Variants in DVL2 observed in about 807,000 individuals in gnomAD.
The protein encoded by DVL2 is dishevelled segment polarity protein 2, also known as segment polarity protein dishevelled homolog DVL-2.
In DVL2, 38 loss-of-function variants were observed where a neutral mutation model predicts 69.8. The observed-to-expected ratio is 0.54, with a 90% CI of 0.42 to 0.71. The LOEUF (loss-of-function observed/expected upper bound fraction) is 0.71, where lower values mean the gene tolerates loss of function less well. Among genes scored for constraint, DVL2 ranks in the 30% least tolerant of loss-of-function variants. The probability of loss-of-function intolerance (pLI) is 0.00; values close to 1 mark genes in which losing one functional copy is unlikely to be tolerated. For missense variants in DVL2, 931 were observed against 1,008.1 expected, an observed-to-expected ratio of 0.92 and a Z score of 1.04; for synonymous variants, 428 against 392.4, an observed-to-expected ratio of 1.09 and a Z score of -1.07.
rs1597542494 is a variant in DVL2 at position 7,225,575 on chromosome 17, T to C, written c.*290A>G. 4.3e-6 allele frequency: 2 copies of C among 461,338 alleles called. No homozygotes were observed. Among genetic ancestry groups the C allele is most frequent in the Non-Finnish European group, 7.8e-6 (2 of 257,504 alleles). 28.6% of individuals were successfully genotyped at this position (461,338 alleles called of 1,614,324 possible). ...GGGCCCAATGGATGGGAATTCTTCA[T>C]ATAAAAGAGGAAATGCCTATTAAAA... On this transcript the variant is annotated 3_prime_UTR_variant, in exon 15 of 15. Coordinates refer to ENST00000005340, the MANE Select transcript of DVL2 (RefSeq NM_004422.3).
intron 1 of DVL2, among the ~76,000 whole-genome samples, chr17:7,231,820 G>A (rs1349771245): frequency 6.7e-6 from 1 of 148,210 alleles, no homozygotes; most frequent in Non-Finnish European, 1.5e-5. Context: ...CTGAGATTGC[G>A]CCGCTGCACT....
At position 7,227,796 on chromosome 17, in the gene DVL2, T is replaced by C; in HGVS notation, c.1103-13A>G. The C allele has an allele frequency of 6.4e-7, 1 of 1,563,642 alleles. No individual in the cohort carries two copies. The highest frequency in any genetic ancestry group is 8.7e-7 in the Non-Finnish European group (1 of 1,153,710). Reference sequence around the variant, plus strand: ...TGGATGGGCTCATCTGGGACAAAGATGGCACCAAAATGACCCATTCTCAGT... The same window carrying C: ...TGGATGGGCTCATCTGGGACAAAGACGGCACCAAAATGACCCATTCTCAGT... On this transcript the variant is annotated splice_polypyrimidine_tract_variant and intron_variant, in intron 10 of 14. Transcript: ENST00000005340.
Position 7,234,350 on chromosome 17 carries a change from G to A in DVL2, c.-88C>T, listed in dbSNP as rs2071601420. On this transcript the variant is annotated 5_prime_UTR_variant, in exon 1 of 15. Transcript: ENST00000005340. ...CCTGCGCACACCCGCAAACCGACGC[G>A]CGAGCGCGGACAGGACTGACCCAGT... is the stretch of plus-strand genomic sequence containing the variant. The A allele has an allele frequency of 5.5e-6, 8 of 1,459,438 alleles. No homozygotes were observed. Among genetic ancestry groups the A allele is most frequent in the Admixed American group, 2.0e-5 (1 of 48,914 alleles). 90.4% of individuals were successfully genotyped at this position (1,459,438 alleles called of 1,614,324 possible). A position where few individuals can be genotyped will look rare whatever the true frequency, so the allele number is the denominator to read the frequency against.
rs370509176 is a variant in DVL2, at chr17:7,230,900, T to C, written c.195-103A>G. The C allele has an allele frequency of 4.1e-5, 35 of 846,312 alleles. No individual in the cohort carries two copies. The African/African-American group carries it at 5.4e-4, about 13-fold the overall frequency. 52.4% of individuals were successfully genotyped at this position (846,312 alleles called of 1,614,324 possible). A position where few individuals can be genotyped will look rare whatever the true frequency, so the allele number is the denominator to read the frequency against. ...CTTCACCTGGCTCCAGGATGTTGAC[T>C]TTCTCCTGCCCTGTTCAGGTCTTCT... On this transcript the variant is annotated intron_variant, in intron 1 of 14. Coordinates refer to ENST00000005340, the MANE Select transcript of DVL2 (RefSeq NM_004422.3).
chr17:7,228,670 C>T, intron 9 of DVL2: 1 of 364,444 alleles, frequency 2.7e-6, no homozygotes, highest in Non-Finnish European at 5.1e-6. Flanking sequence ...AACCTCCACC[C>T]CCCAGGGTTC....
Position 7,228,064 on chromosome 17 carries a change from A to G in DVL2, c.1035-20T>C, listed in dbSNP as rs535994494. 3.0e-5 allele frequency: 45 copies of G among 1,524,210 alleles called. No homozygotes were observed. The highest frequency in any genetic ancestry group is 4.4e-5 in the Admixed American group (2 of 45,456). 94.4% of individuals were successfully genotyped at this position (1,524,210 alleles called of 1,614,324 possible). A position where few individuals can be genotyped will look rare whatever the true frequency, so the allele number is the denominator to read the frequency against. On this transcript the variant is annotated intron_variant, in intron 9 of 14. Transcript: ENST00000005340. Reference sequence around the variant, plus strand: ...ATGGGGCTATGGGGAAGAGAAGTCCAGTCAAGGGCGCAGGGGAAGAGGAGG... The same window carrying G: ...ATGGGGCTATGGGGAAGAGAAGTCCGGTCAAGGGCGCAGGGGAAGAGGAGG...
intron 14 of DVL2, 21 bp from the exon 15 acceptor site, chr17:7,226,334 C>T (rs2071446989): frequency 1.3e-6 from 2 of 1,545,448 alleles, no homozygotes; most frequent in Non-Finnish European, 1.7e-6. Context: ...AGGGGAGGGG[C>T]AACTGAGTCC....
At chr17:7,228,359 G>A (rs1034648602) in intron 9 of DVL2, 2 of 210,318 alleles carry the variant, frequency 9.5e-6, no homozygotes, top group South Asian at 1.1e-4. Context: ...ATCCAGTGAG[G>A]CAAAGCTTTT....
At position 7,227,113 on chromosome 17, in the gene DVL2, T is replaced by C. The variant is rs1417664498; in HGVS notation, c.1520A>G (p.Asp507Gly). 6.2e-7 allele frequency: 1 copy of C among 1,612,776 alleles called. No homozygotes were observed. Residue 507 changes from aspartate (D) to glycine (G), a missense_variant, in exon 13 of 15, where the codon GAC (aspartate) becomes GGC (glycine). Asp to Gly is a moderately conservative substitution (Grantham distance 94). Transcript: ENST00000005340. The part of the protein sequence containing the change: ...FSEQCYYVFG[D>G]LSGGCESYLV... Reference sequence around the variant, plus strand: ...ACAGCTCTCACAGCCACCACTGAGGTCTCCGAAGACGTAATAGCACTGCTC... The same window carrying C: ...ACAGCTCTCACAGCCACCACTGAGGCCTCCGAAGACGTAATAGCACTGCTC...
In DVL2 at chr17:7,226,102, G is replaced by A. The variant is rs1033966176; in HGVS notation, c.1974C>T (p.Leu658=). The A allele has an allele frequency of 3.1e-6, 5 of 1,594,314 alleles. No individual in the cohort carries two copies. The highest frequency in any genetic ancestry group is 4.3e-6 in the Non-Finnish European group (5 of 1,169,122). The change falls in exon 15 of 15, where the codon CTC becomes CTT. Residue 658 remains leucine (L), a synonymous_variant. Transcript: ENST00000005340. ...SRGSTGGAPN[L]RAHPGLHPYG... is the part of the protein sequence containing the mutation. The stretch of plus-strand genomic sequence containing the variant: ...AGGGATGGAGCCCTGGGTGGGCTCG[G>A]AGATTAGGGGCACCCCCAGTTGAGC...
Position 7,230,278 on chromosome 17 carries a change from G to C in DVL2, c.410+7C>G, listed in dbSNP as rs2071522795. On this transcript the variant is annotated splice_region_variant and intron_variant, in intron 3 of 14. Transcript: ENST00000005340. ...CTCCCCTGCAGTCAAGAATCTGAAGGACTCACTGGAAGGATGGAGGCCTTG... is the reference window on the plus strand; with the variant it reads ...CTCCCCTGCAGTCAAGAATCTGAAGCACTCACTGGAAGGATGGAGGCCTTG... 2 of 1,614,084 alleles carry C rather than the reference G, an allele frequency of 1.2e-6. No homozygotes were observed. The highest frequency in any genetic ancestry group is 8.5e-7 in the Non-Finnish European group (1 of 1,180,012).
intron 1 of DVL2, 65 bp from the exon 2 acceptor site, chr17:7,230,862 A>T (rs896799118): frequency 7.9e-7 from 1 of 1,263,908 alleles, no homozygotes. Context: ...CCCCCATCAA[A>T]CTTTCTCCCA....
intron 1 of DVL2, among the ~76,000 whole-genome samples, chr17:7,232,662 T>A (rs952439675): frequency 1.3e-5 from 2 of 152,242 alleles, no homozygotes; most frequent in African/African-American, 4.8e-5. Context: ...TAGAAAAACC[T>A]TGCCTTAAAG....
rs1177630637 is a variant in DVL2 at position 7,225,497 on chromosome 17, A to T, written c.*368T>A. On this transcript the variant is annotated 3_prime_UTR_variant, in exon 15 of 15. Coordinates refer to ENST00000005340, the MANE Select transcript of DVL2 (RefSeq NM_004422.3). ...ACCGCTGACCACCCCCAACCCTGCA[A>T]AGGGCAGGGCTGTGGGTAACTGGAG... The T allele has an allele frequency of 2.4e-6, 1 of 416,158 alleles. No homozygotes were observed. The highest frequency in any genetic ancestry group is 2.0e-5 in the African/African-American group (1 of 49,480). The allele number at this position is 416,158 out of a possible 1,614,324, so 25.8% of individuals were successfully genotyped here.
At chr17:7,226,968 G>T in intron 13 of DVL2, 122 bp downstream of exon 13, 1 of 999,062 alleles carries the variant, frequency 1.0e-6, no homozygotes, top group Non-Finnish European at 1.5e-6. Flanking sequence ...CCTAGTGCGG[G>T]ACACACACTG....
At position 7,227,799 on chromosome 17, in the gene DVL2, C is replaced by A; in HGVS notation, c.1103-16G>T. ...ATGGGCTCATCTGGGACAAAGATGG[C>A]ACCAAAATGACCCATTCTCAGTCCC... On this transcript the variant is annotated splice_polypyrimidine_tract_variant and intron_variant, in intron 10 of 14. Coordinates refer to ENST00000005340, the MANE Select transcript of DVL2 (RefSeq NM_004422.3). 1.9e-6 allele frequency: 3 copies of A among 1,562,034 alleles called. No homozygotes were observed. Among genetic ancestry groups the A allele is most frequent in the Non-Finnish European group, 1.7e-6 (2 of 1,152,768 alleles).
chr17:7,230,252 C>T (rs1486054752), intron 3 of DVL2, 33 bp downstream of exon 3: 1 of 1,613,490 alleles, frequency 6.2e-7, no homozygotes, highest in Non-Finnish European at 8.5e-7. Context: ...TCCTCACCTC[C>T]CTCCCCTGCA....
chr17:7,231,064 A>G (rs1257981338), intron 1 of DVL2, among the ~76,000 whole-genome samples: 3 of 152,154 alleles, frequency 2.0e-5, no homozygotes, highest in African/African-American at 7.2e-5. Context: ...CAAACCTCTT[A>G]GTCCAGTTTC....
In DVL2 at chr17:7,227,358, C is replaced by A. The variant is rs2071473338; in HGVS notation, c.1363+46G>T. On this transcript the variant is annotated intron_variant, in intron 12 of 14. Coordinates refer to ENST00000005340, the MANE Select transcript of DVL2 (RefSeq NM_004422.3). Reference sequence around the variant, plus strand: ...CCTGTGCCATTCCTGGCTTTGGTCACCACCTCCTCCCCTTCTCCAGCCACC... The same window carrying A: ...CCTGTGCCATTCCTGGCTTTGGTCAACACCTCCTCCCCTTCTCCAGCCACC... 4 of 1,605,672 alleles carry A rather than the reference C, an allele frequency of 2.5e-6. No individual in the cohort carries two copies. In the South Asian group the frequency reaches 4.4e-5, roughly 18 times the overall value.
Sources: gnomAD v4.1 joint callset for allele counts (sites outside exome capture counted in the v4.1 genomes callset) on GRCh38, gnomAD v4.1.1 for gene constraint, MANE v1.5 for transcripts, NCBI Gene and HGNC (gene_info 2026-07-23, HGNC 2026-07-21) for gene names.